The following CAP2 variants were observed in gnomAD, a reference collection of about 807,000 sequenced individuals.
The protein encoded by CAP2 is adenylyl cyclase-associated protein 2.
A neutral mutation model predicts 57.7 loss-of-function variants in CAP2; 24 were observed. The ratio of observed to expected loss-of-function variants is 0.42; its 90% confidence interval spans 0.30 to 0.58. CAP2 has a LOEUF of 0.58. CAP2 is among the 20% of genes least tolerant of loss of function. The pLI is 0.22. For synonymous variants in CAP2, 194 were observed against 207.2 expected (o/e 0.94, Z 0.55); for missense variants, 501 against 590.3 (o/e 0.85, Z 1.57).
At chr6:17,412,289 G>T (rs1162927980) in intron 1 of CAP2, among the ~76,000 whole-genome samples, 1 of 152,186 alleles carries the variant, frequency 6.6e-6, no homozygotes, top group Non-Finnish European at 1.5e-5. Context: ...GACGCAGTCT[G>T]TGTCTCATCC....
intron 7 of CAP2, chr6:17,531,790 A>T: frequency 1.7e-6 from 1 of 573,272 alleles, no homozygotes; most frequent in Non-Finnish European, 3.1e-6. Flanking sequence ...TAGGATAAAG[A>T]TACCTGCAAA....
chr6:17,556,054 A>G (rs1288518404), intron 12 of CAP2, among the ~76,000 whole-genome samples: 1 of 152,150 alleles, frequency 6.6e-6, no homozygotes, highest in East Asian at 1.9e-4. Flanking sequence ...CTCCTAGCTC[A>G]TAGGGTTATT....
intron 3 of CAP2, among the ~76,000 whole-genome samples, chr6:17,435,792 C>G (rs1253302894): frequency 1.4e-5 from 2 of 147,556 alleles, no homozygotes; most frequent in Non-Finnish European, 3.0e-5. Flanking sequence ...AGCTTCTTCA[C>G]TGTTTTTTAC....
intron 3 of CAP2, among the ~76,000 whole-genome samples, chr6:17,438,094 G>A (rs1028882677): frequency 1.3e-5 from 2 of 151,820 alleles, no homozygotes; most frequent in Admixed American, 6.6e-5. Context: ...CTGGCCAGGC[G>A]TGGTGGCTCA....
At chr6:17,531,679 G>C in intron 7 of CAP2, 1 of 782,132 alleles carries the variant, frequency 1.3e-6, no homozygotes, top group Non-Finnish European at 2.1e-6. Context: ...GTTAAAAATG[G>C]GTAAGAACAC....
chr6:17,469,852 A>G (rs1003566486), intron 4 of CAP2, among the ~76,000 whole-genome samples: 3 of 152,182 alleles, frequency 2.0e-5, no homozygotes, highest in Non-Finnish European at 2.9e-5. Flanking sequence ...CACTTTCTCC[A>G]TAAGGATTTT....
intron 7 of CAP2, among the ~76,000 whole-genome samples, chr6:17,538,275 C>A (rs1378513070): frequency 1.3e-5 from 2 of 151,056 alleles, no homozygotes; most frequent in Non-Finnish European, 2.9e-5. Flanking sequence ...CATAGTGAGA[C>A]CTCATCTCTC....
At chr6:17,437,223 A>C (rs974740774) in intron 3 of CAP2, among the ~76,000 whole-genome samples, 3 of 152,158 alleles carry the variant, frequency 2.0e-5, no homozygotes, top group African/African-American at 7.2e-5. Context: ...ATTGTCTTCC[A>C]TGAAATTGAC....
At chr6:17,396,007 A>G (rs1012444435) in intron 1 of CAP2, among the ~76,000 whole-genome samples, 1 of 152,214 alleles carries the variant, frequency 6.6e-6, no homozygotes, top group African/African-American at 2.4e-5. Context: ...CTGAATAGCT[A>G]TCTCCAAAGA....
At chr6:17,537,309 C>A (rs1762797108) in intron 7 of CAP2, among the ~76,000 whole-genome samples, 1 of 152,080 alleles carries the variant, frequency 6.6e-6, no homozygotes, top group Non-Finnish European at 1.5e-5. Context: ...ACCTCAGCCT[C>A]CGCAGTAGCT....
rs554399078 is a variant in CAP2, at chr6:17,555,520, C to T, written c.1351-839C>T. 2.2e-3 allele frequency among the ~76,000 whole-genome samples: 329 copies of T among 151,212 alleles called. 2 individuals are homozygous for T. The highest frequency in any genetic ancestry group is 3.9e-3 in the Non-Finnish European group (262 of 67,808). Reference sequence around the variant, plus strand: ...GAGAGAATCTGCATTTTAATAAGATCCTGGGTCAGAATCTGCATTTTATTA... The same window carrying T: ...GAGAGAATCTGCATTTTAATAAGATTCTGGGTCAGAATCTGCATTTTATTA... On this transcript the variant is annotated intron_variant, in intron 12 of 12. Coordinates refer to ENST00000229922, the MANE Select transcript of CAP2 (RefSeq NM_006366.3).
intron 7 of CAP2, among the ~76,000 whole-genome samples, chr6:17,534,125 A>G: frequency 6.6e-6 from 1 of 152,210 alleles, no homozygotes; most frequent in East Asian, 1.9e-4. Context: ...TGCAAGTTAC[A>G]TGACATCAGA....
At chr6:17,524,772 C>G (rs1488030947) in intron 7 of CAP2, among the ~76,000 whole-genome samples, 1 of 152,138 alleles carries the variant, frequency 6.6e-6, no homozygotes, top group Non-Finnish European at 1.5e-5. Flanking sequence ...ACCTCTTTCC[C>G]CCATTGCAGC....
chr6:17,463,790 G>A (rs543308458), intron 4 of CAP2, among the ~76,000 whole-genome samples: 1 of 152,216 alleles, frequency 6.6e-6, no homozygotes, highest in African/African-American at 2.4e-5. Context: ...AGTCCATCTC[G>A]CCTTTCTCTT....
At chr6:17,509,665 ACTCCAT>A (rs1170796968) in intron 6 of CAP2, among the ~76,000 whole-genome samples, 2 of 151,510 alleles carry the variant, frequency 1.3e-5, no homozygotes, top group African/African-American at 4.9e-5. Context: ...ACAAAGTGAG[ACTCCAT>A]CTCAAAAAAA....
At chr6:17,428,012 C>A (rs140772757) in intron 3 of CAP2, among the ~76,000 whole-genome samples, 1 of 152,116 alleles carries the variant, frequency 6.6e-6, no homozygotes, top group Admixed American at 6.6e-5. Flanking sequence ...GGAAATTGTT[C>A]AATGAGTACA....
intron 3 of CAP2, among the ~76,000 whole-genome samples, chr6:17,435,878 T>C (rs1298447320): frequency 6.6e-6 from 1 of 152,124 alleles, no homozygotes; most frequent in Non-Finnish European, 1.5e-5. Context: ...TTGGGTTGTT[T>C]CTAATCTTTT....
At chr6:17,548,342 G>C (rs1351753084) in intron 11 of CAP2, among the ~76,000 whole-genome samples, 1 of 151,450 alleles carries the variant, frequency 6.6e-6, no homozygotes, top group African/African-American at 2.4e-5. Context: ...ACTCCAGCCT[G>C]GCAACAGAGC....
chr6:17,474,061 C>T (rs1018629070), intron 4 of CAP2, among the ~76,000 whole-genome samples: 3 of 152,000 alleles, frequency 2.0e-5, no homozygotes. Context: ...TCAACATTGC[C>T]AGAATAATAA....
Sources: gnomAD v4.1 joint callset for allele counts (sites outside exome capture counted in the v4.1 genomes callset) on GRCh38, gnomAD v4.1.1 for gene constraint, MANE v1.5 for transcripts, NCBI Gene and HGNC (gene_info 2026-07-23, HGNC 2026-07-21) for gene names.